The following PTPN23 variants were observed in gnomAD, a reference collection of about 807,000 sequenced individuals.
PTPN23 encodes tyrosine-protein phosphatase non-receptor type 23.
A neutral mutation model predicts 156.3 loss-of-function variants in PTPN23; 72 were observed. The observed-to-expected ratio is 0.46, with a 90% CI of 0.38 to 0.56. The LOEUF is 0.56. Among genes scored for constraint, PTPN23 ranks in the 20% least tolerant of loss-of-function variants. The pLI is 0.00. For missense variants in PTPN23, 1,974 were observed against 2,171.5 expected (o/e 0.91, Z 1.81); for synonymous variants, 957 against 899.6 (o/e 1.06, Z -1.14).
In PTPN23 at chr3:47,411,257, G is replaced by C; in HGVS notation, c.3459G>C (p.Arg1153=). 1 of 1,609,522 alleles carries C rather than the reference G, an allele frequency of 6.2e-7. No homozygotes were observed. The highest frequency in any genetic ancestry group is 8.5e-7 in the Non-Finnish European group (1 of 1,179,818). The part of the protein sequence containing the change: ...PTKVDAAEGR[R]PQALRLIERD... ...AGGTGGATGCAGCTGAGGGTCGTCG[G>C]CCGCAGGCCCTGCGGCTGATTGAGC... The change falls in exon 20 of 25, where the codon CGG becomes CGC. Residue 1153 remains arginine (R), a synonymous_variant. Coordinates refer to ENST00000265562, the MANE Select transcript of PTPN23 (RefSeq NM_015466.4). This position sits in a 1 kb window ranked among gnomAD's most constrained non-coding sequence, Gnocchi z 6.3.
Position 47,406,812 on chromosome 3 carries a change from C to T in PTPN23, c.807+62C>T. 19 of 1,592,344 alleles carry T rather than the reference C, an allele frequency of 1.2e-5. No homozygotes were observed. Among genetic ancestry groups the T allele is most frequent in the Non-Finnish European group, 1.5e-5 (18 of 1,166,262 alleles). On this transcript the variant is annotated intron_variant, in intron 9 of 24. Transcript: ENST00000265562. This position sits in a 1 kb window ranked among gnomAD's most constrained non-coding sequence, Gnocchi z 5.8. ...CAGCCTTCAGTGAGATGCCGGTGTGCTCCCGCTCCTTACACACCAGGGGGT... is the reference window on the plus strand; with the variant it reads ...CAGCCTTCAGTGAGATGCCGGTGTGTTCCCGCTCCTTACACACCAGGGGGT...
intron 1 of PTPN23, among the ~76,000 whole-genome samples, chr3:47,392,179 C>T (rs1030398133): frequency 6.6e-6 from 1 of 152,000 alleles, no homozygotes; most frequent in Non-Finnish European, 1.5e-5. Flanking sequence ...AGCCACTGTG[C>T]CTGGCCTATT....
At chr3:47,390,208 C>T (rs1483241870) in intron 1 of PTPN23, among the ~76,000 whole-genome samples, 1 of 152,184 alleles carries the variant, frequency 6.6e-6, no homozygotes, top group Non-Finnish European at 1.5e-5. Flanking sequence ...GCACTCCAGC[C>T]TGCCTGACAG....
chr3:47,396,283 A>C, intron 2 of PTPN23, 66 bp downstream of exon 2: 2 of 1,384,120 alleles, frequency 1.4e-6, no homozygotes, highest in Non-Finnish European at 2.0e-6. Flanking sequence ...GAGATAAAGA[A>C]ACTGCCTAGG....
At position 47,410,131 on chromosome 3, in the gene PTPN23, G is replaced by A. The variant is rs746014017; in HGVS notation, c.2333G>A (p.Ser778Asn). ...CACTTTCCTCCCAGCCCCTTCCCCA[G>A]CTCCACAGGCCCAGGACCCCACTAT... ...PLHFPPSPFP[S>N]STGPGPHYLS... Residue 778 changes from serine to asparagine, a missense_variant, in exon 20 of 25, where the codon AGC becomes AAC. Around this residue, in one of 4 missense-constraint regions of PTPN23, gnomAD observed 731 missense variants for 669.1 expected, o/e 1.09. Coordinates refer to ENST00000265562, the MANE Select transcript of PTPN23 (RefSeq NM_015466.4). 6.3e-7 allele frequency: 1 copy of A among 1,594,608 alleles called. No homozygotes were observed. The highest frequency in any genetic ancestry group is 8.5e-7 in the Non-Finnish European group (1 of 1,170,144).
At chr3:47,408,601 G>C in intron 15 of PTPN23, 111 bp downstream of exon 15, 1 of 1,480,150 alleles carries the variant, frequency 6.8e-7, no homozygotes, top group South Asian at 1.3e-5. Context: ...CTAGGCCCTG[G>C]CTTGGGCATC....
chr3:47,411,744 C>T lies in PTPN23; in HGVS notation c.3889-39C>T, dbSNP rs999580668. 1 of 1,592,004 alleles carries T rather than the reference C, an allele frequency of 6.3e-7. No individual in the cohort carries two copies. Among genetic ancestry groups the T allele is most frequent in the Non-Finnish European group, 8.6e-7 (1 of 1,165,468 alleles). On this transcript the variant is annotated intron_variant, in intron 20 of 24. Coordinates refer to ENST00000265562, the MANE Select transcript of PTPN23 (RefSeq NM_015466.4). This position sits in a 1 kb window ranked among gnomAD's most constrained non-coding sequence, Gnocchi z 6.3. ...GTGTGGGGTGGCAGGGCAGGGGATCCTGGAAAACCAGGTCTGTCTTGGCTT... is the reference window on the plus strand; with the variant it reads ...GTGTGGGGTGGCAGGGCAGGGGATCTTGGAAAACCAGGTCTGTCTTGGCTT...
rs1219172937 is a variant in PTPN23 at position 47,406,978 on chromosome 3, T to G, written c.808-152T>G. ...CAGAGCAGGTGGCTGGGGCAGGGTG[T>G]GGCGCCACCTTGCTGCTGTTGGCTG... On this transcript the variant is annotated intron_variant, in intron 9 of 24. Transcript: ENST00000265562. The surrounding 1 kb of genome is among the most constrained non-coding windows in gnomAD (Gnocchi z 5.8). The G allele has an allele frequency of 8.9e-7, 1 of 1,129,810 alleles. No homozygotes were observed. Among genetic ancestry groups the G allele is most frequent in the Non-Finnish European group, 1.3e-6 (1 of 785,222 alleles). 70.0% of individuals were successfully genotyped at this position (1,129,810 alleles called of 1,614,324 possible).
At position 47,405,215 on chromosome 3, in the gene PTPN23, C is replaced by A; in HGVS notation, c.364+134C>A. ...GGATTCCCGCCCCTCCACTGACCTC[C>A]CCACAGCCCTGCCAGCTCCTCCACT... On this transcript the variant is annotated intron_variant, in intron 4 of 24. Transcript: ENST00000265562. The surrounding 1 kb of genome is among the most constrained non-coding windows in gnomAD (Gnocchi z 4.7). 1.3e-6 allele frequency: 1 copy of A among 781,690 alleles called. No individual in the cohort carries two copies. Among genetic ancestry groups the A allele is most frequent in the Non-Finnish European group, 2.2e-6 (1 of 464,994 alleles). 48.4% of individuals were successfully genotyped at this position (781,690 alleles called of 1,614,324 possible).
At position 47,410,767 on chromosome 3, in the gene PTPN23, G is replaced by A; in HGVS notation, c.2969G>A (p.Gly990Glu). The change falls in exon 20 of 25, where the codon GGA (glycine) becomes GAA (glutamate). Residue 990 changes from glycine (G) to glutamate (E), a missense_variant. Transcript: ENST00000265562. The stretch of plus-strand genomic sequence containing the variant: ...CATCTCTTCCCACCCCAGGCCCCAG[G>A]ACTCCTACCCCCACAATCCCCCTAC... The part of the protein sequence containing the change: ...HPHLFPPQAP[G>E]LLPPQSPYPY... 1.3e-6 allele frequency: 2 copies of A among 1,556,600 alleles called. No individual in the cohort carries two copies. Among genetic ancestry groups the A allele is most frequent in the East Asian group, 2.4e-5 (1 of 42,190 alleles).
Position 47,411,351 on chromosome 3 carries a change from C to T in PTPN23, c.3553C>T (p.Leu1185=). Residue 1185 remains leucine, a synonymous_variant, in exon 20 of 25, where the codon CTG becomes TTG. Transcript: ENST00000265562. The surrounding 1 kb of genome is among the most constrained non-coding windows in gnomAD (Gnocchi z 6.3). ...GGAGCTGGAGGCCTTTCGGGGTCAG[C>T]TGGGGGATGTGGGAGCTCTGGACAC... ...QQELEAFRGQ[L]GDVGALDTVW... The T allele has an allele frequency of 1.9e-6, 3 of 1,612,944 alleles. No individual in the cohort carries two copies. The highest frequency in any genetic ancestry group is 1.7e-6 in the Non-Finnish European group (2 of 1,180,012).
chr3:47,395,428 C>T (rs1032081099), intron 1 of PTPN23, among the ~76,000 whole-genome samples: 2 of 152,192 alleles, frequency 1.3e-5, no homozygotes, highest in African/African-American at 4.8e-5. Context: ...GTCTGGTGAT[C>T]TGAGTTGAAC....
At position 47,406,641 on chromosome 3, in the gene PTPN23, A is replaced by T; in HGVS notation, c.759+29A>T. The T allele has an allele frequency of 6.2e-7, 1 of 1,613,830 alleles. No homozygotes were observed. The highest frequency in any genetic ancestry group is 8.5e-7 in the Non-Finnish European group (1 of 1,179,938). ...AGGGCCTGGGGCCCCAGGGCGGGGC[A>T]GGGCGGGGCTGAGTGGCCACAGCTC... On this transcript the variant is annotated intron_variant, in intron 8 of 24. Coordinates refer to ENST00000265562, the MANE Select transcript of PTPN23 (RefSeq NM_015466.4). The surrounding 1 kb of genome is among the most constrained non-coding windows in gnomAD (Gnocchi z 5.8).
At chr3:47,398,842 G>T (rs1704934815) in intron 2 of PTPN23, among the ~76,000 whole-genome samples, 1 of 152,220 alleles carries the variant, frequency 6.6e-6, no homozygotes, top group Non-Finnish European at 1.5e-5. Context: ...TGGGATTAAA[G>T]GCATGAGCCG....
rs760593330 is a variant in PTPN23 at position 47,411,136 on chromosome 3, G to C, written c.3338G>C (p.Gly1113Ala). Residue 1113 changes from glycine (G) to alanine (A), a missense_variant, in exon 20 of 25, where the codon GGC becomes GCC. This residue lies in a region of PTPN23 where 731 missense variants were observed against 669.1 expected (regional missense o/e 1.09). Coordinates refer to ENST00000265562, the MANE Select transcript of PTPN23 (RefSeq NM_015466.4). The surrounding 1 kb of genome is among the most constrained non-coding windows in gnomAD (Gnocchi z 6.3). Reference sequence around the variant, plus strand: ...GAACCACCCCCTTGCCTGCGCCGAGGCGCCGCAGCTGCAGACCTGCTCTCC... The same window carrying C: ...GAACCACCCCCTTGCCTGCGCCGAGCCGCCGCAGCTGCAGACCTGCTCTCC... ...AAEPPPCLRR[G>A]AAAADLLSSS... The C allele has an allele frequency of 4.4e-6, 7 of 1,601,154 alleles. No individual in the cohort carries two copies. In the South Asian group the frequency reaches 7.8e-5, roughly 18 times the overall value.
intron 2 of PTPN23, among the ~76,000 whole-genome samples, chr3:47,398,069 G>A (rs1704915529): frequency 6.6e-6 from 1 of 151,888 alleles, no homozygotes; most frequent in Non-Finnish European, 1.5e-5. Context: ...GCTGAGGCAG[G>A]TGGATCACTT....
intron 2 of PTPN23, among the ~76,000 whole-genome samples, chr3:47,398,323 C>T (rs1228194283): frequency 6.6e-6 from 1 of 152,016 alleles, no homozygotes; most frequent in Non-Finnish European, 1.5e-5. Context: ...AATTATTACA[C>T]TTAGTAAGGA....
chr3:47,406,308 C>T lies in PTPN23; in HGVS notation c.547-17C>T. On this transcript the variant is annotated splice_polypyrimidine_tract_variant and intron_variant, in intron 6 of 24. Coordinates refer to ENST00000265562, the MANE Select transcript of PTPN23 (RefSeq NM_015466.4). This position sits in a 1 kb window ranked among gnomAD's most constrained non-coding sequence, Gnocchi z 5.8. ...GCCTTGGGTGAGCGAGGGAGTGCAC[C>T]TCACGTGTCGCCCCAGGGCCAGGCT... The T allele has an allele frequency of 6.2e-7, 1 of 1,613,114 alleles. No individual in the cohort carries two copies.
In PTPN23 at chr3:47,406,200, TG is replaced by T. The variant is rs1302891115; in HGVS notation, c.547-120del. 8 of 1,441,898 alleles carry T rather than the reference TG, an allele frequency of 5.5e-6. No homozygotes were observed. Among genetic ancestry groups the T allele is most frequent in the Admixed American group, 3.9e-5 (2 of 50,996 alleles). 89.3% of individuals were successfully genotyped at this position (1,441,898 alleles called of 1,614,324 possible). On this transcript the variant is annotated intron_variant, in intron 6 of 24. Transcript: ENST00000265562. This position sits in a 1 kb window ranked among gnomAD's most constrained non-coding sequence, Gnocchi z 5.8. ...AGGAGCACCGTGGTGCTGCTTGGAGTGGGGGCAGCTGGGGGAGAGGGCAGTG... is the reference window on the plus strand; with the variant it reads ...AGGAGCACCGTGGTGCTGCTTGGAGTGGGGCAGCTGGGGGAGAGGGCAGTG...
Sources: gnomAD v4.1 joint callset for allele counts (sites outside exome capture counted in the v4.1 genomes callset) on GRCh38, gnomAD v4.1.1 for gene constraint, gnomAD v4.1.1 regional missense constraint, Gnocchi (gnomAD v3.1) non-coding constraint, MANE v1.5 for transcripts, NCBI Gene and HGNC (gene_info 2026-07-23, HGNC 2026-07-21) for gene names.